PIP5K1C: variants seen among roughly 807,000 people sequenced by gnomAD.
The protein encoded by PIP5K1C is phosphatidylinositol-4-phosphate 5-kinase type 1 gamma, also known as phosphatidylinositol 4-phosphate 5-kinase type-1 gamma.
A neutral mutation model predicts 80.1 loss-of-function variants in PIP5K1C; 45 were observed. The observed-to-expected ratio is 0.56, with a 90% CI of 0.44 to 0.72. The LOEUF (loss-of-function observed/expected upper bound fraction) is 0.72, where lower values mean the gene tolerates loss of function less well. PIP5K1C is among the 30% of genes least tolerant of loss of function. The pLI, the probability that PIP5K1C is intolerant of heterozygous loss-of-function variation, is 0.00. For synonymous variants in PIP5K1C, 498 were observed against 420.1 expected, an observed-to-expected ratio of 1.19 and a Z score of -2.27; for missense variants, 753 against 954.6, an observed-to-expected ratio of 0.79 and a Z score of 2.78.
At position 3,630,873 on chromosome 19, in the gene PIP5K1C, C is replaced by T. The variant is rs2033449615; in HGVS notation, c.*2294G>A. 1 of 152,162 alleles carries T rather than the reference C, an allele frequency of 6.6e-6. No homozygotes were observed. The highest frequency in any genetic ancestry group is 1.5e-5 in the Non-Finnish European group (1 of 68,052). The allele number at this position is 152,162 out of a possible 1,614,324, so 9.4% of individuals were successfully genotyped here. A position where few individuals can be genotyped will look rare whatever the true frequency, so the allele number is the denominator to read the frequency against. On this transcript the variant is annotated 3_prime_UTR_variant, in exon 18 of 18. Transcript: ENST00000335312. ...CAGCGGGGTGGGTCCAGCAGCCTCCCTCGCGGGGGATCTGAGGGAGACCGA... is the reference window on the plus strand; with the variant it reads ...CAGCGGGGTGGGTCCAGCAGCCTCCTTCGCGGGGGATCTGAGGGAGACCGA...
intron 1 of PIP5K1C, among the ~76,000 whole-genome samples, chr19:3,699,746 G>GC (rs2036238495): frequency 6.6e-6 from 1 of 152,050 alleles, no homozygotes; most frequent in Admixed American, 6.5e-5. Flanking sequence ...AGTGTGTCCT[G>GC]GGGGAAGGCT....
intron 1 of PIP5K1C, among the ~76,000 whole-genome samples, chr19:3,677,813 AGATGGAGG>A (rs1329415243): frequency 3.8e-5 from 1 of 26,116 alleles, no homozygotes; most frequent in African/African-American, 1.7e-4. Flanking sequence ...AGGGAGGGAT[AGATGGAGG>A]GATGGAGGGA....
chr19:3,646,190 C>T (rs2034207234), intron 10 of PIP5K1C, 132 bp from the exon 11 acceptor site: 7 of 669,962 alleles, frequency 1.0e-5, no homozygotes, highest in South Asian at 6.5e-5. Flanking sequence ...GGGTCCATGG[C>T]GCCATGGCTT....
chr19:3,647,343 C>A lies in PIP5K1C; in HGVS notation c.1255G>T (p.Asp419Tyr). The change falls in exon 10 of 18, where the codon GAT becomes TAT. Residue 419 changes from aspartate (D) to tyrosine (Y), a missense_variant. Transcript: ENST00000335312. ...LEHTWKALVHDGDTVSVHRPS... is the reference protein window; with the variant it reads ...LEHTWKALVHYGDTVSVHRPS... ...AGGAGGGTGCAGGCGCTCACCCCAT[C>A]GTGGACGAGGGCCTTCCAGGTGTGC... The A allele has an allele frequency of 1.9e-6, 3 of 1,576,146 alleles. No individual in the cohort carries two copies. Among genetic ancestry groups the A allele is most frequent in the Non-Finnish European group, 2.6e-6 (3 of 1,159,902 alleles).
In PIP5K1C at chr19:3,661,899, A is replaced by C; in HGVS notation, c.322T>G (p.Tyr108Asp). The C allele has an allele frequency of 6.2e-7, 1 of 1,612,906 alleles. No individual in the cohort carries two copies. The highest frequency in any genetic ancestry group is 8.5e-7 in the Non-Finnish European group (1 of 1,179,992). ...GGGAAGAAGATGCTCTCCACCACGTAGAAGTCCTGCATGAGCACGTCGCGT... is the reference window on the plus strand; with the variant it reads ...GGGAAGAAGATGCTCTCCACCACGTCGAAGTCCTGCATGAGCACGTCGCGT... ...PERDVLMQDF[Y>D]VVESIFFPSE... Residue 108 changes from tyrosine (Y) to aspartate (D), a missense_variant, in exon 4 of 18, where the codon TAC (tyrosine) becomes GAC (aspartate). By Grantham distance (160) the Tyr-to-Asp change is radical (BLOSUM62 -3). Coordinates refer to ENST00000335312, the MANE Select transcript of PIP5K1C (RefSeq NM_012398.3).
chr19:3,650,468 A>C (rs916406277), intron 8 of PIP5K1C, among the ~76,000 whole-genome samples: 7 of 152,210 alleles, frequency 4.6e-5, no homozygotes, highest in African/African-American at 1.7e-4. Context: ...ATGTCTGGGG[A>C]CATCTGTGGT....
chr19:3,694,338 G>A (rs948125785), intron 1 of PIP5K1C, among the ~76,000 whole-genome samples: 25 of 152,042 alleles, frequency 1.6e-4, no homozygotes, highest in Admixed American at 7.9e-4. Context: ...GGCTCCCGGA[G>A]CCTCCACCTG....
In PIP5K1C at chr19:3,686,731, TAAATAAAATAAAATA is replaced by T. The variant is rs536772980; in HGVS notation, c.94+13551_94+13565del. On this transcript the variant is annotated intron_variant, in intron 1 of 17. Coordinates refer to ENST00000335312, the MANE Select transcript of PIP5K1C (RefSeq NM_012398.3). ...GAAACTCCGTCTCAAAATAAATAAA[TAAATAAAATAAAATA>T]AAATAAAATAAAATAAAATAATTAC... is the stretch of plus-strand genomic sequence containing the variant. Among the ~76,000 whole-genome samples, 34 of 149,332 alleles carry T rather than the reference TAAATAAAATAAAATA, an allele frequency of 2.3e-4. 1 individual carries two copies. The East Asian group carries it at 4.5e-3, about 20-fold the overall frequency.
chr19:3,656,421 A>G lies in PIP5K1C; in HGVS notation c.605T>C (p.Leu202Pro). Residue 202 changes from leucine (L) to proline (P), a missense_variant, in exon 6 of 18, where the codon CTC (leucine) becomes CCC (proline). Coordinates refer to ENST00000335312, the MANE Select transcript of PIP5K1C (RefSeq NM_012398.3). ...HKEAEFLQKL[L>P]PGYYMNLNQN... ...GCCACGCACCATGTAGTAGCCAGGG[A>G]GCAGCTTCTGCAGGAACTCGGCCTC... 1 of 1,613,434 alleles carries G rather than the reference A, an allele frequency of 6.2e-7. No homozygotes were observed. Among genetic ancestry groups the G allele is most frequent in the Non-Finnish European group, 8.5e-7 (1 of 1,180,026 alleles).
chr19:3,691,264 G>A (rs1213240997), intron 1 of PIP5K1C, among the ~76,000 whole-genome samples: 3 of 152,194 alleles, frequency 2.0e-5, no homozygotes, highest in African/African-American at 4.8e-5. Context: ...GCCGGAACAC[G>A]GAGCGCCCGG....
chr19:3,683,084 G>A (rs995621275), intron 1 of PIP5K1C, among the ~76,000 whole-genome samples: 3 of 151,912 alleles, frequency 2.0e-5, no homozygotes, highest in East Asian at 1.9e-4. Context: ...TTCAGGTCTA[G>A]ATCAAATGTC....
In PIP5K1C at chr19:3,633,551, CG is replaced by C; in HGVS notation, c.1921-32del. 2.1e-6 allele frequency: 3 copies of C among 1,437,304 alleles called. No individual in the cohort carries two copies. In the South Asian group the frequency reaches 4.7e-5, roughly 23 times the overall value. The allele number at this position is 1,437,304 out of a possible 1,614,324, so 89.0% of individuals were successfully genotyped here. A position where few individuals can be genotyped will look rare whatever the true frequency, so the allele number is the denominator to read the frequency against. On this transcript the variant is annotated intron_variant, in intron 16 of 17. Transcript: ENST00000335312. ...AGGTGGGCGCGCGTGCAGGAGGGCG[CG>C]GAAGAGCAGGGTGCGAGGAGGTGCA...
In PIP5K1C at chr19:3,653,647, G is replaced by A. The variant is rs368773479; in HGVS notation, c.622-58C>T. On this transcript the variant is annotated intron_variant, in intron 6 of 17. Transcript: ENST00000335312. ...GGCTGGGCCACAGACTCACGGGGGCGGGCAAAGCAGGCCTCTGCCTCAGGG... is the reference window on the plus strand; with the variant it reads ...GGCTGGGCCACAGACTCACGGGGGCAGGCAAAGCAGGCCTCTGCCTCAGGG... 146 of 1,492,762 alleles carry A rather than the reference G, an allele frequency of 9.8e-5. 1 individual carries two copies. The highest frequency in any genetic ancestry group is 7.0e-4 in the South Asian group (57 of 81,626). The allele number at this position is 1,492,762 out of a possible 1,614,324, so 92.5% of individuals were successfully genotyped here.
chr19:3,656,042 C>T (rs775879360), intron 6 of PIP5K1C, among the ~76,000 whole-genome samples: 21 of 152,338 alleles, frequency 1.4e-4, no homozygotes, highest in African/African-American at 4.3e-4. Flanking sequence ...CCCTTGGGCC[C>T]CTTGGGCCTC....
In PIP5K1C at chr19:3,643,332, A is replaced by G; in HGVS notation, c.1560T>C (p.Thr520=). ...PCTPPSFEEA[T]TASIATTLSS... is the part of the protein sequence containing the mutation. The stretch of plus-strand genomic sequence containing the variant: ...ACAGAGTCGTGGCAATGGAGGCTGT[A>G]GTGGCTTCTTCGAAAGAAGGTGGCG... The change falls in exon 13 of 18, where the codon ACT becomes ACC. Residue 520 remains threonine (T), a synonymous_variant. Transcript: ENST00000335312. 1.9e-6 allele frequency: 3 copies of G among 1,613,926 alleles called. No homozygotes were observed. Among genetic ancestry groups the G allele is most frequent in the Non-Finnish European group, 2.5e-6 (3 of 1,179,948 alleles).
intron 1 of PIP5K1C, among the ~76,000 whole-genome samples, chr19:3,683,346 G>A (rs143895868): frequency 6.6e-6 from 1 of 152,186 alleles, no homozygotes; most frequent in African/African-American, 2.4e-5. Context: ...GCTCAGGAGG[G>A]AAACGGGGTT....
intron 2 of PIP5K1C, among the ~76,000 whole-genome samples, chr19:3,665,676 C>T (rs1291585341): frequency 2.0e-5 from 3 of 152,106 alleles, no homozygotes; most frequent in Admixed American, 2.0e-4. Flanking sequence ...TCTCACTGGC[C>T]AGGGTCAGGC....
intron 1 of PIP5K1C, among the ~76,000 whole-genome samples, chr19:3,682,774 C>G (rs2035626622): frequency 6.6e-6 from 1 of 152,204 alleles, no homozygotes; most frequent in Admixed American, 6.5e-5. Context: ...TCAGAGGAGG[C>G]AGTCCCGGCT....
At chr19:3,661,188 C>T (rs2034822358) in intron 4 of PIP5K1C, 105 bp from the exon 5 acceptor site, 3 of 738,406 alleles carry the variant, frequency 4.1e-6, no homozygotes, top group African/African-American at 1.8e-5. Flanking sequence ...CCTCTAGCGG[C>T]TCAGCTCCAA....
Sources: allele counts gnomAD v4.1 joint callset (sites outside exome capture counted in the v4.1 genomes callset), GRCh38; gene constraint gnomAD v4.1.1; transcripts MANE v1.5; gene names NCBI Gene and HGNC (gene_info 2026-07-23, HGNC 2026-07-21).